The following MMP26 variants were observed in gnomAD, a reference collection of about 807,000 sequenced individuals.
The protein encoded by MMP26 is matrix metallopeptidase 26, also known as matrix metalloproteinase-26.
MMP26 carries 33 observed loss-of-function variants against 31.0 expected under a neutral mutation model. That is an observed-to-expected ratio of 1.06 (90% CI 0.81 to 1.42). The LOEUF (loss-of-function observed/expected upper bound fraction) is 1.42. Ranked by LOEUF, MMP26 falls within the 40% of genes most tolerant of loss-of-function variation. MMP26 has a pLI of 0.00. For synonymous variants in MMP26, 122 were observed against 114.9 expected, an observed-to-expected ratio of 1.06 and a Z score of -0.40; for missense variants, 347 against 316.1, an observed-to-expected ratio of 1.10 and a Z score of -0.74.
intron 2 of MMP26, among the ~76,000 whole-genome samples, chr11:4,852,414 T>C (rs1176307364): frequency 3.3e-5 from 5 of 152,134 alleles, no homozygotes; most frequent in Non-Finnish European, 5.9e-5. Context: ...ACATATAGAA[T>C]TTTCTGTGTG....
At chr11:4,838,099 C>A (rs531627826) in intron 2 of MMP26, among the ~76,000 whole-genome samples, 1 of 151,118 alleles carries the variant, frequency 6.6e-6, no homozygotes, top group Non-Finnish European at 1.5e-5. Flanking sequence ...AGGCGGATCA[C>A]GAGGTCAGGA....
chr11:4,987,505 G>A (rs1315989181), intron 2 of MMP26, among the ~76,000 whole-genome samples: 6 of 151,662 alleles, frequency 4.0e-5, no homozygotes, highest in Non-Finnish European at 4.4e-5. Flanking sequence ...TGCAAGCTCC[G>A]CCTCCCGGGT....
At chr11:4,915,755 GA>G in intron 2 of MMP26, 9 of 785,686 alleles carry the variant, frequency 1.1e-5, no homozygotes, top group Non-Finnish European at 1.6e-5. Flanking sequence ...GGAAATTAAA[GA>G]AAAAAAATAG....
rs933969382 is a variant in MMP26 at position 4,991,452 on chromosome 11, T to C, written c.551T>C (p.Val184Ala). Residue 184 changes from valine (V) to alanine (A), a missense_variant, in exon 6 of 8, where the codon GTT (valine) becomes GCT (alanine). Val to Ala is a moderately conservative substitution (Grantham distance 64, BLOSUM62 0). Transcript: ENST00000380390. ...TTACCAAATTCTGGAAATCCTGGAG[T>C]TGTCCATTTTGACAAGAATGAACAC... ...AFLPNSGNPGVVHFDKNEHWS... is the reference protein window; with the variant it reads ...AFLPNSGNPGAVHFDKNEHWS... The C allele has an allele frequency of 5.6e-6, 9 of 1,613,916 alleles. No homozygotes were observed. The highest frequency in any genetic ancestry group is 7.6e-6 in the Non-Finnish European group (9 of 1,179,874).
At chr11:4,835,745 T>G (rs190722721) in intron 2 of MMP26, among the ~76,000 whole-genome samples, 68 of 152,314 alleles carry the variant, frequency 4.5e-4, no homozygotes, top group African/African-American at 1.6e-3. Flanking sequence ...AGGCCAAAGT[T>G]GCAGCTTTCT....
At chr11:4,958,947 G>A (rs1846481098) in intron 2 of MMP26, among the ~76,000 whole-genome samples, 1 of 152,130 alleles carries the variant, frequency 6.6e-6, no homozygotes. Flanking sequence ...ATTAACAAAT[G>A]CAGAAGATAG....
At chr11:4,874,480 T>C (rs1159440234) in intron 2 of MMP26, among the ~76,000 whole-genome samples, 1 of 152,016 alleles carries the variant, frequency 6.6e-6, no homozygotes, top group East Asian at 1.9e-4. Flanking sequence ...GTTCTTAACC[T>C]GGGTCCATAG....
At chr11:4,750,535 G>C (rs965448934) in intron 1 of MMP26, among the ~76,000 whole-genome samples, 1 of 151,950 alleles carries the variant, frequency 6.6e-6, no homozygotes, top group Non-Finnish European at 1.5e-5. Context: ...TCCAACAGTG[G>C]ATGACTGGAT....
chr11:4,917,010 C>T (rs1321746712), intron 2 of MMP26, among the ~76,000 whole-genome samples: 3 of 152,184 alleles, frequency 2.0e-5, no homozygotes, highest in Non-Finnish European at 4.4e-5. Context: ...ATTCAGGCCT[C>T]CTGACTTCCA....
chr11:4,827,602 C>G (rs575357227), intron 2 of MMP26, among the ~76,000 whole-genome samples: 1 of 151,432 alleles, frequency 6.6e-6, no homozygotes, highest in African/African-American at 2.4e-5. Context: ...AAGTTTACAC[C>G]CTTTTATGTT....
At chr11:4,825,509 A>T (rs1849567596) in intron 2 of MMP26, among the ~76,000 whole-genome samples, 1 of 152,126 alleles carries the variant, frequency 6.6e-6, no homozygotes, top group Non-Finnish European at 1.5e-5. Flanking sequence ...TGTGAGTTGG[A>T]TGTCCCAATC....
intron 1 of MMP26, among the ~76,000 whole-genome samples, chr11:4,741,350 A>G (rs947233759): frequency 1.3e-5 from 2 of 152,216 alleles, no homozygotes; most frequent in African/African-American, 2.4e-5. Context: ...ACACATGCAC[A>G]TGTATGTTTA....
chr11:4,860,953 A>T (rs1228964859), intron 2 of MMP26, among the ~76,000 whole-genome samples: 2 of 151,850 alleles, frequency 1.3e-5, no homozygotes, highest in Non-Finnish European at 2.9e-5. Context: ...ATAATTTTTT[A>T]AAACCCCATT....
intron 2 of MMP26, among the ~76,000 whole-genome samples, chr11:4,963,134 A>G (rs7123513): frequency 0.48 from 72,341 of 151,940 alleles, 18,458 homozygotes; most frequent in South Asian, 0.64. Flanking sequence ...CCCATTAACA[A>G]CTGCTACGAA....
intron 2 of MMP26, among the ~76,000 whole-genome samples, chr11:4,956,487 G>A (rs1311776320): frequency 6.6e-6 from 1 of 152,112 alleles, no homozygotes; most frequent in Admixed American, 6.5e-5. Context: ...TAATTGGCAG[G>A]TATTAGAGAG....
intron 2 of MMP26, among the ~76,000 whole-genome samples, chr11:4,961,613 C>T (rs1232578400): frequency 1.3e-5 from 2 of 152,206 alleles, no homozygotes; most frequent in African/African-American, 4.8e-5. Context: ...GTAATAGTTT[C>T]ATCTAACATG....
At chr11:4,727,303 T>C (rs1303319265) in intron 1 of MMP26, among the ~76,000 whole-genome samples, 1 of 152,214 alleles carries the variant, frequency 6.6e-6, no homozygotes, top group Non-Finnish European at 1.5e-5. Flanking sequence ...TTTCTTTCAA[T>C]CAGATGATTT....
intron 2 of MMP26, chr11:4,912,931 C>T (rs1167628526): frequency 6.6e-6 from 1 of 150,670 alleles, no homozygotes; most frequent in Non-Finnish European, 1.5e-5. Flanking sequence ...GTTAAACATA[C>T]TCTTTCAAAT....
At chr11:4,718,458 C>A (rs1847966042) in intron 1 of MMP26, among the ~76,000 whole-genome samples, 1 of 152,148 alleles carries the variant, frequency 6.6e-6, no homozygotes, top group Non-Finnish European at 1.5e-5. Context: ...TTGTTGTTGC[C>A]ATTAACCAAT....
Sources: gnomAD v4.1 joint callset for allele counts (sites outside exome capture counted in the v4.1 genomes callset) on GRCh38, gnomAD v4.1.1 for gene constraint, MANE v1.5 for transcripts, NCBI Gene and HGNC (gene_info 2026-07-23, HGNC 2026-07-21) for gene names.